MYH11: variants seen among roughly 807,000 people sequenced by gnomAD.
The protein encoded by MYH11 is myosin heavy chain 11.
A neutral mutation model predicts 246.6 loss-of-function variants in MYH11; 80 were observed. The observed-to-expected ratio is 0.32, with a 90% CI of 0.27 to 0.39. MYH11 has a LOEUF of 0.39. Among genes scored for constraint, MYH11 ranks in the 10% least tolerant of loss-of-function variants. MYH11 has a pLI of 1.00. For synonymous variants in MYH11, 1,071 were observed against 1,015.5 expected (o/e 1.05, Z -1.04); for missense variants, 2,158 against 2,546.8 (o/e 0.85, Z 3.29).
chr16:15,705,971 T>C (rs11075276), intron 40 of MYH11, among the ~76,000 whole-genome samples: 94,467 of 130,002 alleles, frequency 0.73, 34,666 homozygotes, highest in African/African-American at 0.89. Flanking sequence ...GGCGACAGGG[T>C]GAGACTCCGT....
At chr16:15,710,341 T>C (rs1212338794) in intron 40 of MYH11, among the ~76,000 whole-genome samples, 1 of 151,972 alleles carries the variant, frequency 6.6e-6, no homozygotes, top group Non-Finnish European at 1.5e-5. Flanking sequence ...GCCAGTATGG[T>C]GAAACCTTGC....
chr16:15,830,704 C>A (rs993501191), intron 2 of MYH11, among the ~76,000 whole-genome samples: 1 of 151,930 alleles, frequency 6.6e-6, no homozygotes, highest in African/African-American at 2.4e-5. Context: ...ATGGCAAAAA[C>A]CCATCTTTAC....
intron 32 of MYH11, 184 bp from the exon 33 acceptor site, chr16:15,721,235 C>T: frequency 6.4e-6 from 6 of 940,140 alleles, no homozygotes; most frequent in Non-Finnish European, 9.9e-6. Flanking sequence ...GACCCCCCAA[C>T]TCAGACCCAT....
In MYH11 at chr16:15,703,412, AT is replaced by A. The variant is rs1360055098; in HGVS notation, c.*578del. On this transcript the variant is annotated 3_prime_UTR_variant, in exon 41 of 41. Transcript: ENST00000300036. ...CACCCATTTCGGTGACTTTCTCCCC[AT>A]TTCATGTAAACAGAATTGCCAGGGA... is the stretch of plus-strand genomic sequence containing the variant. 7 of 239,656 alleles carry A rather than the reference AT, an allele frequency of 2.9e-5. No individual in the cohort carries two copies. The highest frequency in any genetic ancestry group is 1.5e-4 in the African/African-American group (7 of 45,412). 14.8% of individuals were successfully genotyped at this position (239,656 alleles called of 1,614,324 possible).
At chr16:15,771,796 G>A in intron 8 of MYH11, 84 bp from the exon 9 acceptor site, 1 of 1,542,502 alleles carries the variant, frequency 6.5e-7, no homozygotes, top group Non-Finnish European at 8.9e-7. Flanking sequence ...AAGGGTCTGG[G>A]CCATCATAAT....
At chr16:15,715,401 C>A in intron 38 of MYH11, 129 bp from the exon 39 acceptor site, 1 of 803,376 alleles carries the variant, frequency 1.2e-6, no homozygotes, top group South Asian at 1.4e-5. Context: ...AAGAATCAGT[C>A]AGATGGTGGA....
In MYH11 at chr16:15,724,957, C is replaced by G. The variant is rs1028035825; in HGVS notation, c.3894G>C (p.Glu1298Asp). ...EVESVTGMLN[E>D]AEGKAIKLAK... ...CCAGCTTAATGGCCTTCCCCTCGGCCTCGTTAAGCATCCCTGTGACGCTCT... is the reference window on the plus strand; with the variant it reads ...CCAGCTTAATGGCCTTCCCCTCGGCGTCGTTAAGCATCCCTGTGACGCTCT... The change falls in exon 29 of 41, where the codon GAG becomes GAC. Residue 1298 changes from glutamate to aspartate, a missense_variant. Coordinates refer to ENST00000300036, the MANE Select transcript of MYH11 (RefSeq NM_002474.3). 1.9e-6 allele frequency: 3 copies of G among 1,613,990 alleles called. No individual in the cohort carries two copies. Among genetic ancestry groups the G allele is most frequent in the African/African-American group, 2.7e-5 (2 of 74,906 alleles).
intron 1 of MYH11, among the ~76,000 whole-genome samples, chr16:15,845,817 T>C (rs6498585): frequency 0.02 from 2,969 of 151,820 alleles, 97 homozygotes; most frequent in African/African-American, 0.066. Context: ...GTAGGCCGAG[T>C]GTGATGGCTC....
chr16:15,845,381 G>A (rs1361940336), intron 1 of MYH11, among the ~76,000 whole-genome samples: 1 of 146,058 alleles, frequency 6.8e-6, no homozygotes, highest in Non-Finnish European at 1.5e-5. Context: ...TTCTTTTTCT[G>A]GGGTGGCCCA....
intron 2 of MYH11, among the ~76,000 whole-genome samples, chr16:15,831,292 A>G (rs1383926510): frequency 1.3e-5 from 2 of 152,204 alleles, no homozygotes; most frequent in African/African-American, 4.8e-5. Context: ...GGGAAGTTCT[A>G]TATTCCCTTA....
At chr16:15,806,057 T>C (rs2043003296) in intron 3 of MYH11, among the ~76,000 whole-genome samples, 2 of 151,198 alleles carry the variant, frequency 1.3e-5, no homozygotes, top group Admixed American at 1.3e-4. Context: ...GGTGGGCAGA[T>C]CACGAGGTCA....
rs1280762329 is a variant in MYH11, at chr16:15,811,125, C to G, written c.502+12130G>C. On this transcript the variant is annotated intron_variant, in intron 3 of 40. Coordinates refer to ENST00000300036, the MANE Select transcript of MYH11 (RefSeq NM_002474.3). ...AGAGACCCAGAGAGCTAGCAGGTCC[C>G]TTCCACCATGTGAGACACAGCGAGA... 3.3e-5 allele frequency among the ~76,000 whole-genome samples: 5 copies of G among 152,254 alleles called. No individual in the cohort carries two copies. The East Asian group carries it at 9.6e-4, about 29-fold the overall frequency.
chr16:15,747,808 C>T, intron 18 of MYH11, 66 bp downstream of exon 18: 2 of 1,612,478 alleles, frequency 1.2e-6, no homozygotes, highest in Non-Finnish European at 8.5e-7. Flanking sequence ...AAGAACGGTC[C>T]CACCAAGAGC....
intron 4 of MYH11, among the ~76,000 whole-genome samples, chr16:15,793,673 G>T: frequency 7.2e-6 from 1 of 138,448 alleles, no homozygotes; most frequent in Non-Finnish European, 1.5e-5. Context: ...AGGCTGGAGT[G>T]CACTGGCGTG....
At chr16:15,721,856 GT>G (rs751413165) in intron 31 of MYH11, among the ~76,000 whole-genome samples, 1 of 151,704 alleles carries the variant, frequency 6.6e-6, no homozygotes, top group Non-Finnish European at 1.5e-5. Context: ...TTTTTTGTTG[GT>G]TTGTGTGTTT....
At chr16:15,810,824 TA>T (rs2043121820) in intron 3 of MYH11, among the ~76,000 whole-genome samples, 1 of 152,218 alleles carries the variant, frequency 6.6e-6, no homozygotes, top group African/African-American at 2.4e-5. Flanking sequence ...ACAGCACATT[TA>T]AGAGCTTGGT....
intron 3 of MYH11, among the ~76,000 whole-genome samples, chr16:15,810,021 CGGTTTT>C (rs2043102412): frequency 6.7e-6 from 1 of 149,948 alleles, no homozygotes; most frequent in African/African-American, 2.5e-5. Flanking sequence ...TTAATATTTA[CGGTTTT>C]TGTTTTTGTT....
chr16:15,833,888 C>T (rs1306296558), intron 2 of MYH11, among the ~76,000 whole-genome samples: 3 of 152,080 alleles, frequency 2.0e-5, no homozygotes, highest in African/African-American at 7.2e-5. Flanking sequence ...TCATGGACGA[C>T]GGTTTCTATT....
intron 22 of MYH11, among the ~76,000 whole-genome samples, chr16:15,740,610 CAA>C (rs576634565): frequency 1.5e-4 from 17 of 110,400 alleles, no homozygotes; most frequent in East Asian, 2.6e-4. Context: ...GACTCTGTCT[CAA>C]AAAAAAAAAA....
Sources: allele counts gnomAD v4.1 joint callset (sites outside exome capture counted in the v4.1 genomes callset), GRCh38; gene constraint gnomAD v4.1.1; transcripts MANE v1.5; gene names NCBI Gene and HGNC (gene_info 2026-07-23, HGNC 2026-07-21).